CD24: variants seen among roughly 807,000 people sequenced by gnomAD.
The protein encoded by CD24 is signal transducer CD24.
A neutral mutation model predicts 3.6 loss-of-function variants in CD24; 2 were observed. The observed-to-expected ratio is 0.56, with a 90% CI of 0.23 to 1.77. The LOEUF (loss-of-function observed/expected upper bound fraction) is 1.77. Among genes scored for constraint, CD24 ranks in the 40% most tolerant of loss-of-function variants. The pLI is 0.18. For synonymous variants in CD24, 33 were observed against 44.9 expected (o/e 0.74, Z 1.06); for missense variants, 62 against 93.6 (o/e 0.66, Z 1.39).
chr6:106,975,672 G>A (rs1400802902), upstream of CD24: 1 of 152,296 alleles, frequency 6.6e-6, no homozygotes, highest in Non-Finnish European at 1.5e-5. Flanking sequence ...CGGGCGAGGA[G>A]GAGACGGCCC....
chr6:106,974,021 C>G (rs1254950136), intron 1 of CD24: 1 of 397,626 alleles, frequency 2.5e-6, no homozygotes, highest in African/African-American at 2.1e-5. Context: ...CAGCCCGGAA[C>G]CGGGGTTTGT....
upstream of CD24, among the ~76,000 whole-genome samples, chr6:106,976,105 C>T (rs923404963): frequency 1.2e-4 from 18 of 152,062 alleles, no homozygotes; most frequent in Admixed American, 6.6e-5. Flanking sequence ...AAGGTTTAGC[C>T]CAAGTGTTTT....
upstream of CD24, among the ~76,000 whole-genome samples, chr6:106,976,332 G>T (rs1773107805): frequency 6.6e-6 from 1 of 152,204 alleles, no homozygotes; most frequent in Non-Finnish European, 1.5e-5. Flanking sequence ...ACTTTTGCGT[G>T]GCAGTCTCAT....
rs1772976699 is a variant in CD24 at position 106,971,679 on chromosome 6, A to G, written c.225T>C (p.Leu75=). 6.5e-7 allele frequency: 1 copy of G among 1,547,752 alleles called. No individual in the cohort carries two copies. The highest frequency in any genetic ancestry group is 8.7e-7 in the Non-Finnish European group (1 of 1,144,490). Residue 75 remains leucine (L), a synonymous_variant, in exon 2 of 2, where the codon CTT becomes CTC. Coordinates refer to ENST00000606017, the MANE Select transcript of CD24 (RefSeq NM_001359084.1). ...TASLFVVSLS[L]LHLYS ...GAGTCTCTTAAGAGTAGAGATGCAG[A>G]AGAGAGAGTGAGACCACGAAGAGAC...
chr6:106,973,747 C>A, intron 1 of CD24: 1 of 398,516 alleles, frequency 2.5e-6, no homozygotes, highest in Non-Finnish European at 4.4e-6. Flanking sequence ...CATCCATACA[C>A]CCTCGAGGCA....
chr6:106,973,362 A>C, intron 1 of CD24: 1 of 313,558 alleles, frequency 3.2e-6, no homozygotes. Context: ...TGGGGCGGGG[A>C]GTGGAGGGGG....
intron 1 of CD24, chr6:106,973,489 G>C: frequency 2.5e-6 from 1 of 396,286 alleles, no homozygotes. Context: ...GGGGAAGCGC[G>C]TTCCACACTC....
chr6:106,972,128 G>T (rs1320644368), intron 1 of CD24, among the ~76,000 whole-genome samples: 1 of 152,156 alleles, frequency 6.6e-6, no homozygotes, highest in Admixed American at 6.5e-5. Context: ...AAAGGACCAG[G>T]TTAACTAATT....
Position 106,971,756 on chromosome 6 carries a change from G to T in CD24, c.148C>A (p.Pro50Thr). Reference sequence around the variant, plus strand: ...GCCGCCTTGGTGGTGGCATTAGTTGGATTTGGGGCCAACCCAGAGTTGGAA... The same window carrying T: ...GCCGCCTTGGTGGTGGCATTAGTTGTATTTGGGGCCAACCCAGAGTTGGAA... ...STSNSGLAPN[P>T]TNATTKAAGG... The change falls in exon 2 of 2, where the codon CCA becomes ACA. Residue 50 changes from proline (P) to threonine (T), a missense_variant. Physicochemically the swap from Pro to Thr is conservative, Grantham distance 38. Transcript: ENST00000606017. The T allele has an allele frequency of 6.4e-7, 1 of 1,551,480 alleles. No individual in the cohort carries two copies. The highest frequency in any genetic ancestry group is 8.7e-7 in the Non-Finnish European group (1 of 1,146,784).
At chr6:106,972,085 A>G (rs1218569058) in intron 1 of CD24, among the ~76,000 whole-genome samples, 7 of 152,352 alleles carry the variant, frequency 4.6e-5, no homozygotes, top group Admixed American at 1.3e-4. Context: ...TTCAATAACT[A>G]TAACTCCTGT....
In CD24 at chr6:106,970,130, A is replaced by G. The variant is rs1772933238; in HGVS notation, c.*1531T>C. Reference sequence around the variant, plus strand: ...TAAGCATCAGTGTGTGACCATGCGAACAAAAGACTTCGGGGAGTGTCTATT... The same window carrying G: ...TAAGCATCAGTGTGTGACCATGCGAGCAAAAGACTTCGGGGAGTGTCTATT... On this transcript the variant is annotated 3_prime_UTR_variant, in exon 2 of 2. Coordinates refer to ENST00000606017, the MANE Select transcript of CD24 (RefSeq NM_001359084.1). 1 of 152,580 alleles carries G rather than the reference A, an allele frequency of 6.6e-6. No homozygotes were observed. The highest frequency in any genetic ancestry group is 2.1e-4 in the South Asian group (1 of 4,834). 9.5% of individuals were successfully genotyped at this position (152,580 alleles called of 1,614,324 possible).
rs1262610987 is a variant in CD24, at chr6:106,971,002, T to C, written c.*659A>G. The C allele has an allele frequency of 1.3e-5, 2 of 152,232 alleles. No individual in the cohort carries two copies. The highest frequency in any genetic ancestry group is 1.3e-4 in the Admixed American group (2 of 15,278). 9.4% of individuals were successfully genotyped at this position (152,232 alleles called of 1,614,324 possible). On this transcript the variant is annotated 3_prime_UTR_variant, in exon 2 of 2. Transcript: ENST00000606017. ...GCTTGGATCTGGGGGTAGATTCTCATTCATCATTGCCCTGGCACATGTCAA... is the reference window on the plus strand; with the variant it reads ...GCTTGGATCTGGGGGTAGATTCTCACTCATCATTGCCCTGGCACATGTCAA...
rs1290004974 is a variant in CD24, at chr6:106,971,781, A to G, written c.123T>C (p.Thr41=). ...GATTTGGGGCCAACCCAGAGTTGGA[A>G]GTACTCTGGGAGGAGTTACTTGAAG... ...TGTSSNSSQS[T]SNSGLAPNPT... Residue 41 remains threonine, a synonymous_variant, in exon 2 of 2, where the codon ACT becomes ACC. Coordinates refer to ENST00000606017, the MANE Select transcript of CD24 (RefSeq NM_001359084.1). The G allele has an allele frequency of 1.9e-6, 3 of 1,551,406 alleles. No individual in the cohort carries two copies. The highest frequency in any genetic ancestry group is 1.4e-5 in the African/African-American group (1 of 73,054).
chr6:106,971,809 C>A lies in CD24; in HGVS notation c.95G>T (p.Gly32Val). 3.2e-6 allele frequency: 5 copies of A among 1,550,410 alleles called. No homozygotes were observed. The South Asian group carries it at 3.6e-5, about 11-fold the overall frequency. Residue 32 changes from glycine (G) to valine (V), a missense_variant, in exon 2 of 2, where the codon GGA becomes GTA. Transcript: ENST00000606017. The part of the protein sequence containing the change: ...TQIYSSETTT[G>V]TSSNSSQSTS... ...ACTCTGGGAGGAGTTACTTGAAGTT[C>A]CAGTTGTTGTTTCACTGGAATAAAT...
Position 106,974,712 on chromosome 6 carries a change from G to A in CD24, c.-66C>T, listed in dbSNP as rs1211466362. ...GGTGCTTGGAGAACCGCTGGCTCCGGGCGGGCGCAGGCAAGGTGGGGAGCG... is the reference window on the plus strand; with the variant it reads ...GGTGCTTGGAGAACCGCTGGCTCCGAGCGGGCGCAGGCAAGGTGGGGAGCG... On this transcript the variant is annotated 5_prime_UTR_variant, in exon 1 of 2. Transcript: ENST00000606017. 2.7e-6 allele frequency: 4 copies of A among 1,461,144 alleles called. No individual in the cohort carries two copies. The African/African-American group carries it at 5.9e-5, about 22-fold the overall frequency. 90.5% of individuals were successfully genotyped at this position (1,461,144 alleles called of 1,614,324 possible). A position where few individuals can be genotyped will look rare whatever the true frequency, so the allele number is the denominator to read the frequency against.
intron 1 of CD24, 137 bp from the exon 2 acceptor site, chr6:106,971,971 T>C (rs1325189483): frequency 1.1e-5 from 7 of 648,648 alleles, no homozygotes; most frequent in Non-Finnish European, 1.8e-5. Context: ...ATCATTAACT[T>C]CTGAATTCTT....
Position 106,974,673 on chromosome 6 carries a change from C to A in CD24, c.-27G>T. 2.7e-6 allele frequency: 4 copies of A among 1,491,274 alleles called. No homozygotes were observed. The highest frequency in any genetic ancestry group is 3.6e-6 in the Non-Finnish European group (4 of 1,124,892). The allele number at this position is 1,491,274 out of a possible 1,614,324, so 92.4% of individuals were successfully genotyped here. A position where few individuals can be genotyped will look rare whatever the true frequency, so the allele number is the denominator to read the frequency against. ...TCCCCTCCGTCGGTGCGCGGCGCGT[C>A]TAGCAGGATGCTGGGTGCTTGGAGA... On this transcript the variant is annotated 5_prime_UTR_variant, in exon 1 of 2. Transcript: ENST00000606017.
chr6:106,976,167 G>C (rs1279070800), upstream of CD24, among the ~76,000 whole-genome samples: 12 of 152,254 alleles, frequency 7.9e-5, no homozygotes, highest in African/African-American at 2.6e-4. Context: ...TTGTAAATTT[G>C]TTTAAATTTC....
chr6:106,973,823 C>T (rs1274245499), intron 1 of CD24: 15 of 398,552 alleles, frequency 3.8e-5, no homozygotes, highest in African/African-American at 2.1e-4. Flanking sequence ...CTAGGGAGAC[C>T]GCGCTGGTAG....
Sources: allele counts gnomAD v4.1 joint callset (sites outside exome capture counted in the v4.1 genomes callset), GRCh38; gene constraint gnomAD v4.1.1; transcripts MANE v1.5; gene names NCBI Gene and HGNC (gene_info 2026-07-23, HGNC 2026-07-21).